The following RNGTT variants were observed in gnomAD, a reference collection of about 807,000 sequenced individuals.
RNGTT encodes RNA guanylyltransferase and 5'-phosphatase.
RNGTT carries 33 observed loss-of-function variants against 79.3 expected under a neutral mutation model. The observed-to-expected ratio is 0.42, with a 90% CI of 0.32 to 0.56. The LOEUF is 0.56. Ranked by LOEUF, RNGTT falls within the 20% of genes least tolerant of loss-of-function variation. RNGTT has a pLI of 0.17. For synonymous variants in RNGTT, 222 were observed against 235.9 expected (o/e 0.94, Z 0.54); for missense variants, 497 against 739.1 (o/e 0.67, Z 3.80).
chr6:88,774,888 G>A (rs759357026), intron 12 of RNGTT, among the ~76,000 whole-genome samples: 4 of 152,148 alleles, frequency 2.6e-5, no homozygotes, highest in Non-Finnish European at 5.9e-5. Flanking sequence ...TTTGGAAATA[G>A]ACAGTGGAGG....
At chr6:88,705,782 A>G (rs1196241432) in intron 13 of RNGTT, among the ~76,000 whole-genome samples, 2 of 152,160 alleles carry the variant, frequency 1.3e-5, no homozygotes, top group Non-Finnish European at 2.9e-5. Context: ...GCTGTGGTCA[A>G]ACTGAAATTT....
At chr6:88,798,803 A>T (rs972159395) in intron 12 of RNGTT, among the ~76,000 whole-genome samples, 12 of 152,236 alleles carry the variant, frequency 7.9e-5, no homozygotes, top group Non-Finnish European at 2.9e-5. Context: ...TTCTTAACAC[A>T]ATAAAGGATA....
chr6:88,828,422 AC>A (rs1780742523), intron 11 of RNGTT, among the ~76,000 whole-genome samples: 1 of 152,224 alleles, frequency 6.6e-6, no homozygotes, highest in African/African-American at 2.4e-5. Context: ...AGATAAATGC[AC>A]AAAGATGAGG....
At position 88,843,289 on chromosome 6, in the gene RNGTT, C is replaced by T. The variant is rs142766733; in HGVS notation, c.1269+1068G>A. On this transcript the variant is annotated intron_variant, in intron 11 of 15. Coordinates refer to ENST00000369485, the MANE Select transcript of RNGTT (RefSeq NM_003800.5). ...CTTTAAACCAAAAATTCTACTTACC[C>T]TGAAGAAATATCCACCCATATAAAC... Among the ~76,000 whole-genome samples, 4 of 152,150 alleles carry T rather than the reference C, an allele frequency of 2.6e-5. No individual in the cohort carries two copies. In the East Asian group the frequency reaches 5.8e-4, roughly 22 times the overall value.
chr6:88,962,427 T>C (rs1318302306), intron 1 of RNGTT, among the ~76,000 whole-genome samples: 1 of 151,382 alleles, frequency 6.6e-6, no homozygotes, highest in Non-Finnish European at 1.5e-5. Flanking sequence ...AGTCCACGAG[T>C]TCAAGACCAG....
intron 13 of RNGTT, among the ~76,000 whole-genome samples, chr6:88,748,621 C>T (rs1777742926): frequency 6.6e-6 from 1 of 151,912 alleles, no homozygotes; most frequent in South Asian, 2.1e-4. Flanking sequence ...TATTGTCTGT[C>T]TCTCTTAAAT....
intron 12 of RNGTT, among the ~76,000 whole-genome samples, chr6:88,796,123 A>T (rs960700787): frequency 7.9e-5 from 12 of 152,240 alleles, no homozygotes; most frequent in African/African-American, 2.4e-4. Flanking sequence ...TACTCAGTAC[A>T]AAAATAATAA....
At position 88,662,036 on chromosome 6, in the gene RNGTT, C is replaced by A. The variant is rs780251684; in HGVS notation, c.1506+16317G>T. 1.4e-4 allele frequency among the ~76,000 whole-genome samples: 22 copies of A among 152,270 alleles called. 1 individual carries two copies. The highest frequency in any genetic ancestry group is 5.3e-4 in the African/African-American group (22 of 41,550). On this transcript the variant is annotated intron_variant, in intron 14 of 15. Coordinates refer to ENST00000369485, the MANE Select transcript of RNGTT (RefSeq NM_003800.5). The stretch of plus-strand genomic sequence containing the variant: ...CATATGCAAGTTAATAAATGTGATA[C>A]ACCACATAAACAGAATTAAAAACAA...
At chr6:88,628,830 T>G (rs1457856090) in intron 14 of RNGTT, among the ~76,000 whole-genome samples, 2 of 152,174 alleles carry the variant, frequency 1.3e-5, no homozygotes, top group Non-Finnish European at 2.9e-5. Context: ...AAAATTTTAT[T>G]ATTGTTTACT....
Position 88,844,342 on chromosome 6 carries a change from A to G in RNGTT, c.1269+15T>C. The stretch of plus-strand genomic sequence containing the variant: ...GACATTATTAGCACTAATTTAAAAA[A>G]AAATTAAACTTTACCTTTCTTGAAG... On this transcript the variant is annotated intron_variant, in intron 11 of 15. Transcript: ENST00000369485. The G allele has an allele frequency of 6.2e-7, 1 of 1,603,652 alleles. No homozygotes were observed. Among genetic ancestry groups the G allele is most frequent in the Non-Finnish European group, 8.5e-7 (1 of 1,175,862 alleles).
chr6:88,691,619 A>G (rs1298858276), intron 13 of RNGTT, among the ~76,000 whole-genome samples: 1 of 152,178 alleles, frequency 6.6e-6, no homozygotes, highest in Non-Finnish European at 1.5e-5. Context: ...AAGGCATGTT[A>G]GGGCCTCTAG....
At chr6:88,857,210 T>C (rs1781871314) in intron 8 of RNGTT, among the ~76,000 whole-genome samples, 3 of 152,062 alleles carry the variant, frequency 2.0e-5, no homozygotes, top group Non-Finnish European at 4.4e-5. Flanking sequence ...AGTACATAAT[T>C]AAAGAGAAGG....
chr6:88,843,149 C>CAAAAAA (rs34225763), intron 11 of RNGTT, among the ~76,000 whole-genome samples: 1 of 129,368 alleles, frequency 7.7e-6, no homozygotes, highest in Non-Finnish European at 1.7e-5. Flanking sequence ...GCCTACAGAT[C>CAAAAAA]AAAAAAAAAA....
chr6:88,670,063 T>C lies in RNGTT; in HGVS notation c.1506+8290A>G, dbSNP rs549419414. 2.0e-5 allele frequency among the ~76,000 whole-genome samples: 3 copies of C among 152,332 alleles called. No individual in the cohort carries two copies. In the East Asian group the frequency reaches 5.8e-4, roughly 29 times the overall value. ...AAGAAATGCTATTTATCAAAATAGA[T>C]TGGCCCTAGACTACTTGCTAGCAGT... On this transcript the variant is annotated intron_variant, in intron 14 of 15. Transcript: ENST00000369485.
intron 1 of RNGTT, among the ~76,000 whole-genome samples, chr6:88,943,366 T>A (rs1340504150): frequency 6.6e-6 from 1 of 152,180 alleles, no homozygotes; most frequent in African/African-American, 2.4e-5. Context: ...ATTCTCCTTT[T>A]CTCACACCCA....
chr6:88,675,906 G>T (rs970300474), intron 14 of RNGTT, among the ~76,000 whole-genome samples: 1 of 152,132 alleles, frequency 6.6e-6, no homozygotes, highest in Non-Finnish European at 1.5e-5. Context: ...AAATATTGCT[G>T]GGAGACCTAA....
At chr6:88,799,126 C>T (rs1779698087) in intron 12 of RNGTT, among the ~76,000 whole-genome samples, 1 of 151,462 alleles carries the variant, frequency 6.6e-6, no homozygotes, top group Non-Finnish European at 1.5e-5. Flanking sequence ...TAATAAAAAA[C>T]TTAAACTCAG....
intron 13 of RNGTT, among the ~76,000 whole-genome samples, chr6:88,699,066 A>G (rs373371286): frequency 1.3e-5 from 2 of 152,210 alleles, no homozygotes; most frequent in African/African-American, 4.8e-5. Context: ...GGTGAAATTA[A>G]TTAGATTATT....
intron 12 of RNGTT, among the ~76,000 whole-genome samples, chr6:88,799,611 A>G (rs1779717334): frequency 6.6e-6 from 1 of 151,224 alleles, no homozygotes; most frequent in Non-Finnish European, 1.5e-5. Flanking sequence ...GAGGCAGGAG[A>G]ATCCCTTGAG....
Sources: allele counts gnomAD v4.1 joint callset (sites outside exome capture counted in the v4.1 genomes callset), GRCh38; gene constraint gnomAD v4.1.1; transcripts MANE v1.5; gene names NCBI Gene and HGNC (gene_info 2026-07-23, HGNC 2026-07-21).